KLRG1: variants seen among roughly 807,000 people sequenced by gnomAD.
KLRG1 encodes the protein killer cell lectin like receptor G1, also known as killer cell lectin-like receptor subfamily G member 1.
Under a neutral mutation model 21.8 loss-of-function variants are expected in KLRG1, and 16 were observed. The observed-to-expected ratio is 0.73, with a 90% CI of 0.50 to 1.11. The LOEUF (loss-of-function observed/expected upper bound fraction) is 1.11. Among genes scored for constraint, KLRG1 ranks in the 50% most tolerant of loss-of-function variants. The pLI, the probability that KLRG1 is intolerant of heterozygous loss-of-function variation, is 0.00. For missense variants in KLRG1, 173 were observed against 218.3 expected, an observed-to-expected ratio of 0.79 and a Z score of 1.31; for synonymous variants, 69 against 75.9, an observed-to-expected ratio of 0.91 and a Z score of 0.47.
At chr12:9,061,948 T>C in the KLRG1 span, among the ~76,000 whole-genome samples, 3 of 152,096 alleles carry the variant, frequency 2.0e-5, no homozygotes, top group Non-Finnish European at 2.9e-5. Context: ...TGGGCTGAAC[T>C]GTATAGTATA....
At chr12:9,041,472 A>G in the KLRG1 span, among the ~76,000 whole-genome samples, 1 of 152,188 alleles carries the variant, frequency 6.6e-6, no homozygotes, top group Admixed American at 6.5e-5. Context: ...TGCTTCTCCA[A>G]GAATTTGAGT....
chr12:8,952,445 G>C (rs773520912), intron 1 of KLRG1, among the ~76,000 whole-genome samples: 1 of 152,298 alleles, frequency 6.6e-6, no homozygotes, highest in South Asian at 2.1e-4. Context: ...GCCTGCCTCA[G>C]CCTCCCAAAA....
the KLRG1 span, among the ~76,000 whole-genome samples, chr12:9,141,147 A>G: frequency 6.6e-6 from 1 of 152,224 alleles, no homozygotes; most frequent in Non-Finnish European, 1.5e-5. Context: ...ATATTTTAAC[A>G]TAACAATTAT....
the KLRG1 span, chr12:9,161,124 AACAG>A: frequency 2.6e-6 from 4 of 1,549,022 alleles, no homozygotes; most frequent in Non-Finnish European, 3.5e-6. Context: ...CACCTTTAGA[AACAG>A]ACAGCCCATG....
chr12:9,033,039 C>T, the KLRG1 span, among the ~76,000 whole-genome samples: 1 of 152,080 alleles, frequency 6.6e-6, no homozygotes, highest in Non-Finnish European at 1.5e-5. Context: ...TACTGCTATG[C>T]CGTAGTCTCA....
At chr12:9,128,163 G>A in the KLRG1 span, 1 of 196,114 alleles carries the variant, frequency 5.1e-6, no homozygotes, top group Non-Finnish European at 1.1e-5. Flanking sequence ...GAGGAAATCA[G>A]TGCTGCGGGT....
At chr12:9,071,875 G>C in the KLRG1 span, among the ~76,000 whole-genome samples, 1 of 152,144 alleles carries the variant, frequency 6.6e-6, no homozygotes, top group Non-Finnish European at 1.5e-5. Context: ...TGTGGAGAGA[G>C]AGTTTTTTAT....
chr12:9,178,633 G>C, the KLRG1 span, among the ~76,000 whole-genome samples: 1 of 152,326 alleles, frequency 6.6e-6, no homozygotes, highest in African/African-American at 2.4e-5. Flanking sequence ...TTGTTTTGCT[G>C]TCACATCTCA....
the KLRG1 span, chr12:9,079,208 C>T: frequency 3.2e-6 from 5 of 1,551,906 alleles, no homozygotes; most frequent in Admixed American, 8.4e-5. Flanking sequence ...AGAGCTGGCA[C>T]ACAAAAAGAA....
the KLRG1 span, among the ~76,000 whole-genome samples, chr12:9,113,907 G>T: frequency 6.6e-6 from 1 of 152,196 alleles, no homozygotes; most frequent in Non-Finnish European, 1.5e-5. Context: ...CAAGCTCTCA[G>T]TCATGCGGAC....
chr12:9,135,217 A>G, the KLRG1 span: 4 of 246,464 alleles, frequency 1.6e-5, no homozygotes, highest in South Asian at 5.9e-5. Context: ...CTGACAGAAC[A>G]TTATAAACAT....
chr12:9,110,642 G>A, the KLRG1 span, among the ~76,000 whole-genome samples: 1 of 151,578 alleles, frequency 6.6e-6, no homozygotes, highest in African/African-American at 2.4e-5. Context: ...ATCATGCACT[G>A]CATGCCTGTA....
the KLRG1 span, among the ~76,000 whole-genome samples, chr12:9,019,722 A>G: frequency 3.3e-5 from 5 of 152,146 alleles, no homozygotes; most frequent in Non-Finnish European, 1.5e-5. Flanking sequence ...TTAAATATCA[A>G]ACTGAAGAAA....
chr12:9,201,857 A>C, the KLRG1 span, among the ~76,000 whole-genome samples: 4 of 152,124 alleles, frequency 2.6e-5, no homozygotes, highest in African/African-American at 9.6e-5. Flanking sequence ...GTAAGTTGAA[A>C]AAAGGGAAAT....
At chr12:9,008,117 T>G (rs1024340822) in intron 3 of KLRG1, among the ~76,000 whole-genome samples, 2 of 152,214 alleles carry the variant, frequency 1.3e-5, no homozygotes, top group African/African-American at 4.8e-5. Flanking sequence ...AACTGTTTTT[T>G]TCTTGCCACA....
chr12:9,020,619 T>G, the KLRG1 span, among the ~76,000 whole-genome samples: 1 of 152,250 alleles, frequency 6.6e-6, no homozygotes, highest in Non-Finnish European at 1.5e-5. Flanking sequence ...TTATTGCTAA[T>G]ATTCTACTGT....
the KLRG1 span, chr12:9,098,433 T>C: frequency 1.4e-4 from 45 of 315,160 alleles, no homozygotes; most frequent in Non-Finnish European, 2.0e-4. Flanking sequence ...TGAGTAGTTA[T>C]ATATATATAT....
At chr12:9,093,510 C>A in the KLRG1 span, 1 of 1,613,918 alleles carries the variant, frequency 6.2e-7, no homozygotes, top group Non-Finnish European at 8.5e-7. Flanking sequence ...GAAGTACTTT[C>A]GTACGGTCTC....
the KLRG1 span, chr12:9,192,386 A>T: frequency 7.9e-7 from 1 of 1,272,072 alleles, no homozygotes; most frequent in Non-Finnish European, 1.1e-6. Flanking sequence ...AACTCATGGA[A>T]TGAAGGACGC....
Sources: allele counts gnomAD v4.1 joint callset (sites outside exome capture counted in the v4.1 genomes callset), GRCh38; gene constraint gnomAD v4.1.1; transcripts MANE v1.5; gene names NCBI Gene and HGNC (gene_info 2026-07-23, HGNC 2026-07-21).